Variants in MAEA observed in about 807,000 individuals in gnomAD.
The protein encoded by MAEA is macrophage erythroblast attacher, E3 ubiquitin ligase.
MAEA carries 22 observed loss-of-function variants against 46.2 expected under a neutral mutation model. The observed-to-expected ratio is 0.48, with a 90% CI of 0.34 to 0.68. The LOEUF is 0.68. Ranked by LOEUF, MAEA falls within the 30% of genes least tolerant of loss-of-function variation. The pLI is 0.01. For synonymous variants in MAEA, 246 were observed against 222.6 expected (o/e 1.11, Z -0.94); for missense variants, 393 against 558.1 (o/e 0.70, Z 2.98).
At chr4:1,326,684 C>T (rs979777701) in intron 4 of MAEA, among the ~76,000 whole-genome samples, 5 of 152,016 alleles carry the variant, frequency 3.3e-5, no homozygotes, top group Admixed American at 6.5e-5. Flanking sequence ...GGCCTCTCTC[C>T]GTCTTCTACA....
intron 1 of MAEA, among the ~76,000 whole-genome samples, chr4:1,310,579 CAT>C (rs1240343725): frequency 2.6e-5 from 4 of 152,238 alleles, no homozygotes; most frequent in Admixed American, 1.3e-4. Context: ...CATCCTGACT[CAT>C]TTGCTCACCA....
intron 5 of MAEA, chr4:1,329,822 G>A: frequency 1.0e-6 from 1 of 985,546 alleles, no homozygotes; most frequent in Non-Finnish European, 1.2e-6. Context: ...AGGCGGAGAA[G>A]CCTGGCCACA....
intron 7 of MAEA, 162 bp downstream of exon 7, chr4:1,337,156 G>C: frequency 1.2e-6 from 1 of 852,384 alleles, no homozygotes; most frequent in Non-Finnish European, 1.8e-6. Flanking sequence ...GTCGGGGTGG[G>C]GCCGTGTTGA....
chr4:1,310,038 G>A, intron 1 of MAEA: 1 of 1,155,632 alleles, frequency 8.7e-7, no homozygotes, highest in Non-Finnish European at 1.1e-6. Context: ...GAGCGAGGGT[G>A]GTTGTGCCGC....
intron 1 of MAEA, chr4:1,299,772 C>G (rs568823283): frequency 6.6e-6 from 1 of 152,428 alleles, no homozygotes; most frequent in South Asian, 2.1e-4. Flanking sequence ...CTCCTTCAAT[C>G]TTCGCTGAGC....
intron 1 of MAEA, among the ~76,000 whole-genome samples, chr4:1,294,698 T>C (rs2108850869): frequency 6.6e-6 from 1 of 151,118 alleles, no homozygotes; most frequent in East Asian, 2.0e-4. Context: ...CTGTCTACGC[T>C]CCGGTGGGAG....
At chr4:1,327,774 C>G in intron 5 of MAEA, 71 bp downstream of exon 5, 3 of 1,372,134 alleles carry the variant, frequency 2.2e-6, no homozygotes, top group Non-Finnish European at 3.1e-6. Flanking sequence ...CCAGCCCTCC[C>G]TGTCGTGGTC....
intron 1 of MAEA, among the ~76,000 whole-genome samples, chr4:1,291,195 A>T (rs2108841715): frequency 6.6e-6 from 1 of 152,284 alleles, no homozygotes; most frequent in East Asian, 1.9e-4. Flanking sequence ...ACGGGGTTTC[A>T]CTGTTGCCTA....
chr4:1,312,155 G>A lies in MAEA; in HGVS notation c.246G>A (p.Lys82=), dbSNP rs1451364335. ...TGGTGGAGAAGCTCAGCGTCCTCAAGAGGAAGGTTGGTCCCGCCTGGCGGT... is the reference window on the plus strand; with the variant it reads ...TGGTGGAGAAGCTCAGCGTCCTCAAAAGGAAGGTTGGTCCCGCCTGGCGGT... The part of the protein sequence containing the change: ...DGVVEKLSVL[K]RKAVESIQAE... The change falls in exon 2 of 9, where the codon AAG becomes AAA. Residue 82 remains lysine, a synonymous_variant. Coordinates refer to ENST00000303400, the MANE Select transcript of MAEA (RefSeq NM_001017405.3). 3.7e-6 allele frequency: 6 copies of A among 1,613,814 alleles called. No individual in the cohort carries two copies. The Admixed American group carries it at 6.7e-5, about 18-fold the overall frequency.
In MAEA at chr4:1,336,861, G is replaced by A; in HGVS notation, c.766G>A (p.Asp256Asn). Reference sequence around the variant, plus strand: ...GGACCCTCTGCTCTCTGTCTTCCAGGACCTTCTGGACCCTGCACGGTGGCG... The same window carrying A: ...GGACCCTCTGCTCTCTGTCTTCCAGAACCTTCTGGACCCTGCACGGTGGCG... ...PPDTHISPYK[D>N]LLDPARWRML... Residue 256 changes from aspartate (D) to asparagine (N), a missense_variant and splice_region_variant, in exon 7 of 9, where the codon GAC becomes AAC. By Grantham distance (23) the Asp-to-Asn change is conservative. Around this residue, in one of 2 missense-constraint regions of MAEA, gnomAD observed 358 missense variants for 537.9 expected, o/e 0.67. Transcript: ENST00000303400. 6.2e-7 allele frequency: 1 copy of A among 1,613,440 alleles called. No individual in the cohort carries two copies. Among genetic ancestry groups the A allele is most frequent in the Non-Finnish European group, 8.5e-7 (1 of 1,179,736 alleles).
Position 1,295,659 on chromosome 4 carries a change from G to C in MAEA, c.69+5677G>C, listed in dbSNP as rs113718520. 9.3e-4 allele frequency among the ~76,000 whole-genome samples: 64 copies of C among 68,972 alleles called. 1 individual carries two copies. The highest frequency in any genetic ancestry group is 0.022 in the Middle Eastern group (2 of 92). The allele number at this position is 68,972 out of a possible 152,430, so 45.2% of individuals were successfully genotyped here. A position where few individuals can be genotyped will look rare whatever the true frequency, so the allele number is the denominator to read the frequency against. On this transcript the variant is annotated intron_variant, in intron 1 of 8. Coordinates refer to ENST00000303400, the MANE Select transcript of MAEA (RefSeq NM_001017405.3). Reference sequence around the variant, plus strand: ...ACCCGTACCTGTACCCCCCTCACCCGCTCCTGTACCCCCTCACCCGCTCCT... The same window carrying C: ...ACCCGTACCTGTACCCCCCTCACCCCCTCCTGTACCCCCTCACCCGCTCCT...
chr4:1,309,901 A>G, intron 1 of MAEA: 1 of 1,289,228 alleles, frequency 7.8e-7, no homozygotes, highest in Non-Finnish European at 9.8e-7. Context: ...GGGGTTGGAA[A>G]GTCCAGAAAG....
intron 6 of MAEA, 93 bp downstream of exon 6, chr4:1,332,958 C>T (rs1012200585): frequency 6.6e-5 from 58 of 877,590 alleles, no homozygotes; most frequent in Middle Eastern, 6.4e-4. Context: ...TGGGGCGGGA[C>T]GTGAGGGCCC....
rs1739019227 is a variant in MAEA, at chr4:1,327,672, A to G, written c.625A>G (p.Ile209Val). 6.2e-7 allele frequency: 1 copy of G among 1,613,862 alleles called. No individual in the cohort carries two copies. The highest frequency in any genetic ancestry group is 1.3e-5 in the African/African-American group (1 of 74,938). ...CAGAATCCAGGAGTTCATTGAACTC[A>G]TCCGGCAGAATAAGAGACTGGACGC... ...SLRIQEFIEL[I>V]RQNKRLDAVR... The change falls in exon 5 of 9, where the codon ATC (isoleucine) becomes GTC (valine). Residue 209 changes from isoleucine to valine, a missense_variant. Coordinates refer to ENST00000303400, the MANE Select transcript of MAEA (RefSeq NM_001017405.3).
chr4:1,316,217 C>CT (rs1489157027), intron 3 of MAEA, among the ~76,000 whole-genome samples: 2 of 152,188 alleles, frequency 1.3e-5, no homozygotes, highest in Admixed American at 6.5e-5. Flanking sequence ...ACGTGGCACC[C>CT]TTGCCCTCTG....
chr4:1,291,233 C>G (rs887282527), intron 1 of MAEA, among the ~76,000 whole-genome samples: 2 of 152,220 alleles, frequency 1.3e-5, no homozygotes, highest in East Asian at 3.9e-4. Context: ...AGGACTTAAG[C>G]GATCCTCCTG....
chr4:1,305,352 CCCG>C (rs1322829940), intron 1 of MAEA, among the ~76,000 whole-genome samples: 1 of 152,192 alleles, frequency 6.6e-6, no homozygotes, highest in African/African-American at 2.4e-5. Flanking sequence ...GCTGCTGTGC[CCCG>C]CTGCTTCCAG....
chr4:1,328,829 C>T lies in MAEA; in HGVS notation c.656+1126C>T, dbSNP rs536928288. 1.4e-5 allele frequency: 15 copies of T among 1,046,042 alleles called. No homozygotes were observed. The Admixed American group carries it at 2.0e-4, about 14-fold the overall frequency. 64.8% of individuals were successfully genotyped at this position (1,046,042 alleles called of 1,614,324 possible). ...GGGCGCATGGTGGCAGGTCAGGCCT[C>T]GTCTTCACGCACGAGGGAGCCAGGC... On this transcript the variant is annotated intron_variant, in intron 5 of 8. Coordinates refer to ENST00000303400, the MANE Select transcript of MAEA (RefSeq NM_001017405.3).
At chr4:1,295,574 G>A (rs1392486965) in intron 1 of MAEA, among the ~76,000 whole-genome samples, 1 of 151,378 alleles carries the variant, frequency 6.6e-6, no homozygotes, top group Non-Finnish European at 1.5e-5. Flanking sequence ...GCCCATGCCT[G>A]TCACGCAGAC....
Sources: gnomAD v4.1 joint callset for allele counts (sites outside exome capture counted in the v4.1 genomes callset) on GRCh38, gnomAD v4.1.1 for gene constraint, gnomAD v4.1.1 regional missense constraint, MANE v1.5 for transcripts, NCBI Gene and HGNC (gene_info 2026-07-23, HGNC 2026-07-21) for gene names.